The following RNF125 variants were observed in gnomAD, a reference collection of about 807,000 sequenced individuals.
The protein encoded by RNF125 is ring finger protein 125.
A neutral mutation model predicts 26.0 loss-of-function variants in RNF125; 21 were observed. That is an observed-to-expected ratio of 0.81 (90% CI 0.57 to 1.16). The LOEUF (loss-of-function observed/expected upper bound fraction) is 1.16. RNF125 is among the 50% of genes most tolerant of loss of function. The probability of loss-of-function intolerance (pLI) is 0.00; values close to 1 mark genes in which losing one functional copy is unlikely to be tolerated. For missense variants in RNF125, 270 were observed against 299.4 expected (o/e 0.90, Z 0.72); for synonymous variants, 95 against 109.2 (o/e 0.87, Z 0.81).
At chr18:32,076,391 C>T (rs1442947420), downstream of RNF125, 1 of 189,408 alleles carries the variant, frequency 5.3e-6, no homozygotes, top group Admixed American at 5.8e-5. Context: ...TTACAGCTCA[C>T]TGCAACCTCG....
intron 4 of RNF125, among the ~76,000 whole-genome samples, chr18:32,052,915 C>G (rs1341291826): frequency 1.3e-5 from 2 of 152,118 alleles, no homozygotes; most frequent in African/African-American, 4.8e-5. Context: ...TGAAATCCCT[C>G]AACAGTAAAA....
intron 4 of RNF125, among the ~76,000 whole-genome samples, chr18:32,054,560 T>G (rs59939125): frequency 0.091 from 13,882 of 152,178 alleles, 2,058 homozygotes; most frequent in African/African-American, 0.31. Context: ...AAATATGGTT[T>G]TATCAGAATT....
chr18:32,074,096 T>C (rs2039553613), downstream of RNF125, among the ~76,000 whole-genome samples: 1 of 152,268 alleles, frequency 6.6e-6, no homozygotes, highest in East Asian at 1.9e-4. Context: ...CAATTACAAG[T>C]CCCAAATCCC....
chr18:32,046,323 G>T (rs558392415), intron 4 of RNF125, among the ~76,000 whole-genome samples: 4 of 151,866 alleles, frequency 2.6e-5, no homozygotes, highest in Non-Finnish European at 4.4e-5. Flanking sequence ...AAGGCTGGGC[G>T]TGGTGGCTCA....
chr18:32,047,419 G>A (rs1288606343), intron 4 of RNF125, among the ~76,000 whole-genome samples: 2 of 152,152 alleles, frequency 1.3e-5, no homozygotes, highest in Non-Finnish European at 2.9e-5. Context: ...TTTCTAAGAG[G>A]AAATTCCTTA....
intron 1 of RNF125, among the ~76,000 whole-genome samples, chr18:32,023,185 C>T (rs934043151): frequency 1.3e-5 from 2 of 152,102 alleles, no homozygotes; most frequent in Admixed American, 1.3e-4. Flanking sequence ...TGGAGTCTCA[C>T]TCTGTCACCT....
At chr18:32,033,524 CAA>C (rs34652019) in intron 1 of RNF125, among the ~76,000 whole-genome samples, 130 of 133,338 alleles carry the variant, frequency 9.7e-4, no homozygotes, top group Non-Finnish European at 1.0e-3. Flanking sequence ...GACTCCACCT[CAA>C]AAAAAAAAAA....
chr18:32,028,266 C>G (rs945315323), intron 1 of RNF125, among the ~76,000 whole-genome samples: 6 of 142,750 alleles, frequency 4.2e-5, no homozygotes, highest in Non-Finnish European at 9.0e-5. Flanking sequence ...CCACGGCACT[C>G]CAGCCTGGGC....
chr18:32,046,728 T>C (rs1255658450), intron 4 of RNF125, among the ~76,000 whole-genome samples: 1 of 152,120 alleles, frequency 6.6e-6, no homozygotes, highest in Admixed American at 6.6e-5. Flanking sequence ...GTATGGTAAA[T>C]GTACATATTG....
chr18:32,079,410 TAAC>T, the RNF125 span, among the ~76,000 whole-genome samples: 1 of 152,202 alleles, frequency 6.6e-6, no homozygotes, highest in African/African-American at 2.4e-5. Flanking sequence ...ATTCAGTCCT[TAAC>T]AACATGTTCA....
chr18:32,079,688 C>G, the RNF125 span, among the ~76,000 whole-genome samples: 2 of 152,204 alleles, frequency 1.3e-5, no homozygotes, highest in African/African-American at 2.4e-5. Context: ...TGAATAATGT[C>G]TTCAAGCCAG....
intron 2 of RNF125, among the ~76,000 whole-genome samples, chr18:32,037,543 T>G (rs1242555832): frequency 6.6e-6 from 1 of 151,810 alleles, no homozygotes; most frequent in East Asian, 1.9e-4. Context: ...TGGCTAATTT[T>G]TTGTATTTTT....
At chr18:32,078,873 CACT>C in the RNF125 span, among the ~76,000 whole-genome samples, 1 of 152,164 alleles carries the variant, frequency 6.6e-6, no homozygotes, top group African/African-American at 2.4e-5. Flanking sequence ...TGATTTTGCA[CACT>C]TTTTCCTCAG....
the RNF125 span, among the ~76,000 whole-genome samples, chr18:32,079,702 C>A: frequency 6.6e-6 from 1 of 152,228 alleles, no homozygotes; most frequent in African/African-American, 2.4e-5. Flanking sequence ...AAGCCAGATG[C>A]ATTCCTTCTC....
At chr18:32,045,878 G>C in intron 4 of RNF125, 146 bp downstream of exon 4, 5 of 536,002 alleles carry the variant, frequency 9.3e-6, no homozygotes, top group Non-Finnish European at 1.3e-5. Flanking sequence ...TGTTTACAAT[G>C]TGTGAAAGTG....
At chr18:32,053,955 C>T (rs1021103864) in intron 4 of RNF125, among the ~76,000 whole-genome samples, 1 of 152,006 alleles carries the variant, frequency 6.6e-6, no homozygotes, top group African/African-American at 2.4e-5. Flanking sequence ...AGTATCAACT[C>T]CATTTCTGTG....
chr18:32,038,585 G>A (rs552844067), intron 2 of RNF125, among the ~76,000 whole-genome samples: 21 of 152,232 alleles, frequency 1.4e-4, no homozygotes, highest in Non-Finnish European at 3.1e-4. Flanking sequence ...GGACTTTGCA[G>A]TATTTGTCTC....
intron 4 of RNF125, among the ~76,000 whole-genome samples, chr18:32,046,214 C>CAAAAAA (rs768054716): frequency 5.3e-5 from 4 of 76,130 alleles, no homozygotes; most frequent in South Asian, 5.1e-4. Context: ...AAGACTGTCT[C>CAAAAAA]AAAAAAAAAA....
chr18:32,046,937 C>T (rs1249961898), intron 4 of RNF125, among the ~76,000 whole-genome samples: 10 of 152,214 alleles, frequency 6.6e-5, no homozygotes, highest in Non-Finnish European at 8.8e-5. Flanking sequence ...GGCGCCATCT[C>T]GGCTCACTGC....
Sources: gnomAD v4.1 joint callset for allele counts (sites outside exome capture counted in the v4.1 genomes callset) on GRCh38, gnomAD v4.1.1 for gene constraint, MANE v1.5 for transcripts, NCBI Gene and HGNC (gene_info 2026-07-23, HGNC 2026-07-21) for gene names.